NR3C1: variants seen among roughly 807,000 people sequenced by gnomAD.
The protein encoded by NR3C1 is glucocorticoid receptor.
NR3C1 carries 14 observed loss-of-function variants against 74.0 expected under a neutral mutation model. That is an observed-to-expected ratio of 0.19 (90% CI 0.12 to 0.30). NR3C1 has a LOEUF of 0.30. Ranked by LOEUF, NR3C1 falls within the 10% of genes least tolerant of loss-of-function variation. The pLI is 1.00. For missense variants in NR3C1, 695 were observed against 909.8 expected (o/e 0.76, Z 3.04); for synonymous variants, 308 against 332.5 (o/e 0.93, Z 0.80).
chr5:143,315,069 C>T (rs1282589612), intron 2 of NR3C1, among the ~76,000 whole-genome samples: 2 of 152,046 alleles, frequency 1.3e-5, no homozygotes, highest in African/African-American at 4.8e-5. Flanking sequence ...AATTTTCAAT[C>T]TCAAAAAAAA....
chr5:143,404,437 G>A (rs1352701305), upstream of NR3C1: 2 of 985,352 alleles, frequency 2.0e-6, no homozygotes. Flanking sequence ...CTGGGCGGCC[G>A]GGTCTTCAGC....
At chr5:143,415,061 T>C (rs1014682347) in intron 1 of NR3C1, among the ~76,000 whole-genome samples, 2 of 152,178 alleles carry the variant, frequency 1.3e-5, no homozygotes, top group African/African-American at 4.8e-5. Flanking sequence ...AGATATTACT[T>C]ATGCCTTTAA....
At position 143,313,998 on chromosome 5, in the gene NR3C1, C is replaced by G. The variant is rs751192026; in HGVS notation, c.1351+4G>C. On this transcript the variant is annotated splice_donor_region_variant and intron_variant, in intron 3 of 8. Coordinates refer to ENST00000394464, the MANE Select transcript of NR3C1 (RefSeq NM_000176.3). ...AAAAATAAACTCTTCAAAACACACA[C>G]TACCTTCCACTGCTCTTTTGAAGAA... 38 of 1,613,226 alleles carry G rather than the reference C, an allele frequency of 2.4e-5. 1 individual carries two copies. The South Asian group carries it at 4.2e-4, about 18-fold the overall frequency.
At chr5:143,389,840 A>G in intron 2 of NR3C1, 2 of 495,564 alleles carry the variant, frequency 4.0e-6, no homozygotes, top group Non-Finnish European at 5.2e-6. Context: ...AGGCAAATAA[A>G]GCAGTGCAGA....
intron 2 of NR3C1, among the ~76,000 whole-genome samples, chr5:143,336,752 A>G (rs890072051): frequency 1.3e-5 from 2 of 151,942 alleles, no homozygotes; most frequent in African/African-American, 4.8e-5. Context: ...CAGGCAGATC[A>G]CTTGACGTGA....
At chr5:143,388,115 T>C (rs1477934715) in intron 2 of NR3C1, among the ~76,000 whole-genome samples, 1 of 152,234 alleles carries the variant, frequency 6.6e-6, no homozygotes, top group Non-Finnish European at 1.5e-5. Flanking sequence ...TTACAAACAT[T>C]GGCTACTCTA....
chr5:143,415,509 T>G (rs1841448101), intron 1 of NR3C1, among the ~76,000 whole-genome samples: 1 of 152,204 alleles, frequency 6.6e-6, no homozygotes, highest in African/African-American at 2.4e-5. Flanking sequence ...CATGGATGCA[T>G]GCATGCATAT....
chr5:143,320,303 T>A (rs959937284), intron 2 of NR3C1, among the ~76,000 whole-genome samples: 1 of 152,262 alleles, frequency 6.6e-6, no homozygotes, highest in African/African-American at 2.4e-5. Context: ...AGACTGATTA[T>A]TCTCTTTGCT....
At chr5:143,356,907 C>T (rs1831252635) in intron 2 of NR3C1, among the ~76,000 whole-genome samples, 1 of 152,124 alleles carries the variant, frequency 6.6e-6, no homozygotes, top group South Asian at 2.1e-4. Flanking sequence ...TAAGATCTTA[C>T]TAGGTGCAAG....
intron 2 of NR3C1, among the ~76,000 whole-genome samples, chr5:143,329,226 A>ATTCT (rs1825355858): frequency 1.3e-5 from 2 of 152,218 alleles, no homozygotes; most frequent in Non-Finnish European, 2.9e-5. Flanking sequence ...AGAGAGAGAA[A>ATTCT]GCACAGGGGA....
intron 5 of NR3C1, among the ~76,000 whole-genome samples, chr5:143,299,344 A>T (rs1462602393): frequency 1.1e-5 from 1 of 92,952 alleles, no homozygotes; most frequent in East Asian, 2.5e-4. Context: ...CTTTTAATGT[A>T]AAAAAAAAAA....
intron 7 of NR3C1, chr5:143,294,136 T>C: frequency 1.0e-6 from 1 of 985,078 alleles, no homozygotes; most frequent in Middle Eastern, 5.2e-4. Flanking sequence ...TTAAGATGAA[T>C]GTGCGCTTTG....
chr5:143,404,095 G>T (rs914001905), upstream of NR3C1: 2 of 985,344 alleles, frequency 2.0e-6, no homozygotes, highest in African/African-American at 1.7e-5. Context: ...CCACTCGGGA[G>T]CTCGCTCTGC....
chr5:143,400,776 C>T lies in NR3C1; in HGVS notation c.64G>A (p.Glu22Lys). 2 of 1,614,182 alleles carry T rather than the reference C, an allele frequency of 1.2e-6. No individual in the cohort carries two copies. Among genetic ancestry groups the T allele is most frequent in the Admixed American group, 1.7e-5 (1 of 60,030 alleles). Residue 22 changes from glutamate (E) to lysine (K), a missense_variant, in exon 2 of 9, where the codon GAG (glutamate) becomes AAG (lysine). Glu to Lys is a moderately conservative substitution (Grantham distance 56). This residue lies in a region of NR3C1 where 497 missense variants were observed against 489.5 expected (regional missense o/e 1.02). Transcript: ENST00000394464. ...TAGAAGTCCATCACATCTCCCCTCT[C>T]CTGAGCAAGCACACTGCTGGGGTTT... ...EENPSSVLAQ[E>K]RGDVMDFYKT... is the part of the protein sequence containing the mutation.
chr5:143,428,287 G>A (rs1342396333), intron 1 of NR3C1, among the ~76,000 whole-genome samples: 4 of 152,184 alleles, frequency 2.6e-5, no homozygotes, highest in African/African-American at 4.8e-5. Context: ...ATTTCCTTAA[G>A]AGGAGATTCT....
At chr5:143,375,940 A>T (rs1262351904) in intron 2 of NR3C1, 2 of 152,198 alleles carry the variant, frequency 1.3e-5, no homozygotes, top group African/African-American at 4.8e-5. Flanking sequence ...CATTTCAAAA[A>T]TTTTCATGAA....
chr5:143,329,231 AG>A (rs1333899857), intron 2 of NR3C1, among the ~76,000 whole-genome samples: 33 of 152,216 alleles, frequency 2.2e-4, no homozygotes, highest in Admixed American at 2.2e-3. Flanking sequence ...GAGAAAGCAC[AG>A]GGGAAACTGC....
chr5:143,420,103 T>C (rs532456040), intron 1 of NR3C1, among the ~76,000 whole-genome samples: 43 of 152,324 alleles, frequency 2.8e-4, no homozygotes, highest in Admixed American at 6.5e-4. Context: ...TAAGGTTATC[T>C]CTCTTATTAC....
chr5:143,288,628 T>C (rs1815126698), intron 7 of NR3C1, among the ~76,000 whole-genome samples: 1 of 151,930 alleles, frequency 6.6e-6, no homozygotes, highest in Admixed American at 6.6e-5. Flanking sequence ...CAAGCTACCA[T>C]GCCTGGCTAA....
Sources: allele counts gnomAD v4.1 joint callset (sites outside exome capture counted in the v4.1 genomes callset), GRCh38; gene constraint gnomAD v4.1.1; regional missense constraint gnomAD v4.1.1; transcripts MANE v1.5; gene names NCBI Gene and HGNC (gene_info 2026-07-23, HGNC 2026-07-21).